Variants in HS3ST4 observed in about 807,000 individuals in gnomAD.
HS3ST4 encodes heparan sulfate glucosamine 3-O-sulfotransferase 4.
In HS3ST4, 17 loss-of-function variants were observed where a neutral mutation model predicts 29.2. The observed-to-expected ratio is 0.58, with a 90% CI of 0.40 to 0.87. The LOEUF (loss-of-function observed/expected upper bound fraction) is 0.87. Ranked by LOEUF, HS3ST4 falls within the 40% of genes least tolerant of loss-of-function variation. HS3ST4 has a pLI of 0.00. For missense variants in HS3ST4, 627 were observed against 634.5 expected, an observed-to-expected ratio of 0.99 and a Z score of 0.13; for synonymous variants, 314 against 285.7, an observed-to-expected ratio of 1.10 and a Z score of -1.00.
chr16:26,077,007 A>G (rs1305585510), intron 1 of HS3ST4, among the ~76,000 whole-genome samples: 1 of 152,230 alleles, frequency 6.6e-6, no homozygotes, highest in African/African-American at 2.4e-5. Flanking sequence ...GTGATTCAGA[A>G]CAATACTGGT....
chr16:26,003,589 C>T (rs573646582), intron 1 of HS3ST4, among the ~76,000 whole-genome samples: 8 of 152,292 alleles, frequency 5.3e-5, no homozygotes, highest in African/African-American at 1.9e-4. Flanking sequence ...AGGACTATGT[C>T]TTTTGCCTAA....
intron 1 of HS3ST4, among the ~76,000 whole-genome samples, chr16:25,822,210 G>A (rs1967164807): frequency 6.6e-6 from 1 of 152,132 alleles, no homozygotes; most frequent in African/African-American, 2.4e-5. Flanking sequence ...CGTTCTGGAG[G>A]CTGGGAATTC....
intron 1 of HS3ST4, among the ~76,000 whole-genome samples, chr16:25,901,111 T>C (rs887566446): frequency 9.9e-5 from 15 of 152,180 alleles, no homozygotes; most frequent in African/African-American, 3.6e-4. Flanking sequence ...GGAATCCTCC[T>C]TAGCTAGTAG....
intron 1 of HS3ST4, among the ~76,000 whole-genome samples, chr16:25,700,258 G>A (rs1198609510): frequency 6.6e-6 from 1 of 152,174 alleles, no homozygotes; most frequent in Non-Finnish European, 1.5e-5. Flanking sequence ...ATGCGGTAAG[G>A]AGGTGGACAG....
At chr16:25,846,666 T>A (rs973022454) in intron 1 of HS3ST4, among the ~76,000 whole-genome samples, 2 of 152,122 alleles carry the variant, frequency 1.3e-5, no homozygotes, top group Non-Finnish European at 2.9e-5. Flanking sequence ...ATAATTTGAG[T>A]GTTCATTCTT....
intron 1 of HS3ST4, among the ~76,000 whole-genome samples, chr16:25,788,544 CTTTTTT>C (rs565611368): frequency 4.0e-4 from 49 of 123,556 alleles, no homozygotes; most frequent in African/African-American, 1.3e-3. Context: ...TTTCTTCTTT[CTTTTTT>C]TTTTTTTTTT....
At chr16:25,832,740 A>G (rs1266502628) in intron 1 of HS3ST4, among the ~76,000 whole-genome samples, 1 of 152,244 alleles carries the variant, frequency 6.6e-6, no homozygotes, top group Non-Finnish European at 1.5e-5. Context: ...TCAAACAAAA[A>G]GTACTGATTA....
rs1052668019 is a variant in HS3ST4, at chr16:25,874,849, C to T, written c.734+181698C>T. Among the ~76,000 whole-genome samples, 15 of 152,156 alleles carry T rather than the reference C, an allele frequency of 9.9e-5. No individual in the cohort carries two copies. In the East Asian group the frequency reaches 2.9e-3, roughly 29 times the overall value. ...ATGTAGTTTTGGATTCAAATCCTGGCTCCACCATATACTAGCTGTGTGGCC... is the reference window on the plus strand; with the variant it reads ...ATGTAGTTTTGGATTCAAATCCTGGTTCCACCATATACTAGCTGTGTGGCC... On this transcript the variant is annotated intron_variant, in intron 1 of 1. Coordinates refer to ENST00000331351, the MANE Select transcript of HS3ST4 (RefSeq NM_006040.3).
chr16:25,988,575 T>C (rs984702676), intron 1 of HS3ST4, among the ~76,000 whole-genome samples: 1 of 152,204 alleles, frequency 6.6e-6, no homozygotes, highest in Admixed American at 6.5e-5. Context: ...ATCTCTAGGA[T>C]AGTTTTTTAT....
At chr16:25,714,028 G>T (rs993348637) in intron 1 of HS3ST4, among the ~76,000 whole-genome samples, 3 of 151,806 alleles carry the variant, frequency 2.0e-5, no homozygotes, top group African/African-American at 7.3e-5. Flanking sequence ...GTTACCAGCA[G>T]GTCCTGGGGC....
chr16:25,719,606 T>C (rs927191066), intron 1 of HS3ST4, among the ~76,000 whole-genome samples: 2 of 152,220 alleles, frequency 1.3e-5, no homozygotes, highest in South Asian at 2.1e-4. Context: ...TTTTGAACTA[T>C]AGTTTGTTGC....
In HS3ST4 at chr16:25,969,683, G is replaced by A. The variant is rs750875088; in HGVS notation, c.735-165929G>A. 3.2e-4 allele frequency among the ~76,000 whole-genome samples: 49 copies of A among 152,180 alleles called. 1 individual carries two copies. Among genetic ancestry groups the A allele is most frequent in the Middle Eastern group, 6.3e-3 (2 of 316 alleles). On this transcript the variant is annotated intron_variant, in intron 1 of 1. Coordinates refer to ENST00000331351, the MANE Select transcript of HS3ST4 (RefSeq NM_006040.3). ...CGGGCTCATGTCAGTGTTGAATAAG[G>A]TGCATGCATGTAGGAGGCTGGCATA...
intron 1 of HS3ST4, among the ~76,000 whole-genome samples, chr16:25,730,541 T>C (rs1047949923): frequency 4.2e-5 from 6 of 144,472 alleles, no homozygotes; most frequent in African/African-American, 1.5e-4. Flanking sequence ...CTCCCTCTCT[T>C]CCTTATCTCC....
chr16:26,045,488 T>C (rs1354254390), intron 1 of HS3ST4, among the ~76,000 whole-genome samples: 1 of 152,190 alleles, frequency 6.6e-6, no homozygotes, highest in Non-Finnish European at 1.5e-5. Context: ...TAGTTGAATG[T>C]AGCACTAGAA....
chr16:25,917,585 T>C (rs1968305319), intron 1 of HS3ST4, among the ~76,000 whole-genome samples: 1 of 152,196 alleles, frequency 6.6e-6, no homozygotes, highest in African/African-American at 2.4e-5. Flanking sequence ...AGTGAGTAAG[T>C]GTGTTTTTCT....
intron 1 of HS3ST4, among the ~76,000 whole-genome samples, chr16:26,134,356 TC>T (rs1465168860): frequency 1.4e-3 from 152 of 110,274 alleles, no homozygotes; most frequent in East Asian, 0.011. Flanking sequence ...TCTTTTCTTT[TC>T]TTTTCTTTTT....
chr16:26,126,692 G>A (rs1899348744), intron 1 of HS3ST4, among the ~76,000 whole-genome samples: 1 of 152,176 alleles, frequency 6.6e-6, no homozygotes, highest in Non-Finnish European at 1.5e-5. Flanking sequence ...GGCAGTGTCT[G>A]CAGACATCTG....
At chr16:26,053,966 C>A (rs1463750277) in intron 1 of HS3ST4, among the ~76,000 whole-genome samples, 2 of 152,080 alleles carry the variant, frequency 1.3e-5, no homozygotes, top group African/African-American at 2.4e-5. Context: ...GGGGAGGCTC[C>A]CTTGTGACAC....
chr16:25,918,885 G>A (rs551017251), intron 1 of HS3ST4, among the ~76,000 whole-genome samples: 1 of 152,288 alleles, frequency 6.6e-6, no homozygotes, highest in African/African-American at 2.4e-5. Flanking sequence ...TAGTATATGT[G>A]TGTGACATGG....
Sources: gnomAD v4.1 joint callset for allele counts (sites outside exome capture counted in the v4.1 genomes callset) on GRCh38, gnomAD v4.1.1 for gene constraint, MANE v1.5 for transcripts, NCBI Gene and HGNC (gene_info 2026-07-23, HGNC 2026-07-21) for gene names.